Variants in TRHDE observed in about 807,000 individuals in gnomAD.
The protein encoded by TRHDE is thyrotropin releasing hormone degrading enzyme.
A neutral mutation model predicts 125.7 loss-of-function variants in TRHDE; 72 were observed. The observed-to-expected ratio is 0.57, with a 90% CI of 0.47 to 0.70. TRHDE has a LOEUF of 0.70. TRHDE is among the 30% of genes least tolerant of loss of function. The pLI is 0.00. For missense variants in TRHDE, 1,110 were observed against 1,327.1 expected (o/e 0.84, Z 2.54); for synonymous variants, 509 against 509.1 (o/e 1.00, Z 0.00).
chr12:72,492,124 AAAT>A (rs1225897035), intron 5 of TRHDE, among the ~76,000 whole-genome samples: 1 of 151,984 alleles, frequency 6.6e-6, no homozygotes, highest in African/African-American at 2.4e-5. Flanking sequence ...CTGCAAGAGA[AAAT>A]AATTAATGTC....
Position 72,668,087 on chromosome 12 carries a change from C to A in TRHDE, c.*4892C>A, listed in dbSNP as rs149813314. On this transcript the variant is annotated 3_prime_UTR_variant, in exon 19 of 19. Transcript: ENST00000261180. ...ATGTTCTTGTAAATTATTCTAGAATCCCAAATTTTAATTATATAAGAACAA... is the reference window on the plus strand; with the variant it reads ...ATGTTCTTGTAAATTATTCTAGAATACCAAATTTTAATTATATAAGAACAA... The A allele has an allele frequency of 6.6e-6, 1 of 151,614 alleles. No homozygotes were observed. Among genetic ancestry groups the A allele is most frequent in the African/African-American group, 2.4e-5 (1 of 41,486 alleles). The allele number at this position is 151,614 out of a possible 1,614,324, so 9.4% of individuals were successfully genotyped here.
chr12:72,610,380 GAGA>G (rs973154084), intron 12 of TRHDE, among the ~76,000 whole-genome samples: 8 of 152,156 alleles, frequency 5.3e-5, no homozygotes, highest in South Asian at 2.1e-4. Flanking sequence ...CGTGTAGTGA[GAGA>G]AGATCAACTG....
intron 15 of TRHDE, among the ~76,000 whole-genome samples, chr12:72,640,515 A>G (rs1202325812): frequency 1.3e-5 from 2 of 152,174 alleles, no homozygotes; most frequent in East Asian, 3.9e-4. Flanking sequence ...CTATTCGGCC[A>G]TCTTCTTCAC....
At chr12:72,236,489 G>A in intron 2 of TRHDE, among the ~76,000 whole-genome samples, 1 of 152,224 alleles carries the variant, frequency 6.6e-6, no homozygotes, top group African/African-American at 2.4e-5. Flanking sequence ...ATTGACTGAT[G>A]AAAGCCAGAT....
chr12:72,515,464 T>C (rs983718237), intron 6 of TRHDE, among the ~76,000 whole-genome samples: 16 of 151,976 alleles, frequency 1.1e-4, no homozygotes, highest in African/African-American at 3.9e-4. Context: ...TCATGTCCTT[T>C]GCTCACTTTT....
chr12:72,640,389 C>A (rs1874003819), intron 15 of TRHDE, among the ~76,000 whole-genome samples: 3 of 152,356 alleles, frequency 2.0e-5, no homozygotes, highest in Admixed American at 1.3e-4. Flanking sequence ...CACCCACTGA[C>A]CTGCGCCCAC....
chr12:72,231,582 A>G (rs1565668395), intron 2 of TRHDE, among the ~76,000 whole-genome samples: 1 of 152,204 alleles, frequency 6.6e-6, no homozygotes, highest in African/African-American at 2.4e-5. Context: ...AATGCAGAAC[A>G]TAGAATCTCT....
chr12:72,148,681 T>A (rs539821632), intron 2 of TRHDE, among the ~76,000 whole-genome samples: 2 of 152,226 alleles, frequency 1.3e-5, no homozygotes, highest in Non-Finnish European at 2.9e-5. Flanking sequence ...TAAAACAATT[T>A]TGGCATATCA....
chr12:72,346,164 C>T (rs1012303711), intron 2 of TRHDE, among the ~76,000 whole-genome samples: 4 of 151,986 alleles, frequency 2.6e-5, no homozygotes, highest in Non-Finnish European at 4.4e-5. Flanking sequence ...CTTCTGTGGA[C>T]GTTGAGGCCT....
intron 2 of TRHDE, among the ~76,000 whole-genome samples, chr12:72,199,039 T>C (rs1482660364): frequency 2.0e-5 from 3 of 152,052 alleles, no homozygotes; most frequent in Non-Finnish European, 2.9e-5. Flanking sequence ...ATCATGAGAA[T>C]AGCATGGGGA....
intron 3 of TRHDE, among the ~76,000 whole-genome samples, chr12:72,469,022 C>CTTAG (rs1411267249): frequency 6.6e-6 from 1 of 152,120 alleles, no homozygotes; most frequent in Non-Finnish European, 1.5e-5. Context: ...AAGCACAGAT[C>CTTAG]TTAGAGTCAT....
intron 2 of TRHDE, among the ~76,000 whole-genome samples, chr12:72,144,954 C>A (rs889451707): frequency 1.5e-4 from 23 of 152,092 alleles, no homozygotes; most frequent in Admixed American, 1.4e-3. Context: ...CTGCCAGGGG[C>A]TGGTGGAGGA....
At chr12:72,451,826 GTTTGT>G (rs1026445760) in intron 3 of TRHDE, among the ~76,000 whole-genome samples, 40 of 150,634 alleles carry the variant, frequency 2.7e-4, no homozygotes, top group Non-Finnish European at 5.2e-4. Context: ...CTTTCTTTTT[GTTTGT>G]TTTGTTTTGT....
At chr12:72,118,296 A>G (rs1159537146) in intron 2 of TRHDE, among the ~76,000 whole-genome samples, 1 of 152,080 alleles carries the variant, frequency 6.6e-6, no homozygotes, top group Admixed American at 6.6e-5. Context: ...ATTTTTCAGC[A>G]TTATTTGAAA....
intron 8 of TRHDE, 33 bp downstream of exon 8, chr12:72,562,263 C>T (rs1263436876): frequency 1.7e-6 from 2 of 1,163,746 alleles, no homozygotes; most frequent in Admixed American, 1.9e-5. Flanking sequence ...ATCAAAACCT[C>T]TACTTGAATA....
chr12:72,524,224 C>T (rs1253285047), intron 6 of TRHDE, among the ~76,000 whole-genome samples: 1 of 152,184 alleles, frequency 6.6e-6, no homozygotes, highest in Non-Finnish European at 1.5e-5. Flanking sequence ...TCCGTAAACT[C>T]TCCCTGAAGT....
rs756674118 is a variant in TRHDE at position 72,314,319 on chromosome 12, TCCTC to T, written c.1188+27381_1188+27384del. The stretch of plus-strand genomic sequence containing the variant: ...TTTCTTTCTTTTCTATCTCCTCCCT[TCCTC>T]CCTCCCTCCCTCCCTTCCTTCCTTC... On this transcript the variant is annotated intron_variant, in intron 2 of 18. Transcript: ENST00000261180. 4.1e-4 allele frequency among the ~76,000 whole-genome samples: 61 copies of T among 150,408 alleles called. 1 individual carries two copies. In the East Asian group the frequency reaches 8.2e-3, roughly 20 times the overall value.
At chr12:72,382,050 T>G (rs997385936) in intron 3 of TRHDE, among the ~76,000 whole-genome samples, 5 of 152,164 alleles carry the variant, frequency 3.3e-5, no homozygotes, top group African/African-American at 1.2e-4. Context: ...CAAGGGGGAC[T>G]GGTCCCATGC....
chr12:72,442,986 C>G (rs1875090121), intron 3 of TRHDE, among the ~76,000 whole-genome samples: 1 of 151,840 alleles, frequency 6.6e-6, no homozygotes, highest in Non-Finnish European at 1.5e-5. Context: ...AAAGGTAAAT[C>G]TGACCATGCT....
Sources: allele counts gnomAD v4.1 joint callset (sites outside exome capture counted in the v4.1 genomes callset), GRCh38; gene constraint gnomAD v4.1.1; transcripts MANE v1.5; gene names NCBI Gene and HGNC (gene_info 2026-07-23, HGNC 2026-07-21).